LRRTM4: variants seen among roughly 807,000 people sequenced by gnomAD.
The protein encoded by LRRTM4 is leucine-rich repeat transmembrane neuronal protein 4.
A neutral mutation model predicts 47.6 loss-of-function variants in LRRTM4; 25 were observed. That is an observed-to-expected ratio of 0.53 (90% CI 0.38 to 0.73). The LOEUF is 0.73. Among genes scored for constraint, LRRTM4 ranks in the 30% least tolerant of loss-of-function variants. LRRTM4 has a pLI of 0.00. For missense variants in LRRTM4, 638 were observed against 713.4 expected, an observed-to-expected ratio of 0.89 and a Z score of 1.20; for synonymous variants, 311 against 269.5, an observed-to-expected ratio of 1.15 and a Z score of -1.51.
chr2:76,891,217 A>G (rs1673243133), intron 3 of LRRTM4, among the ~76,000 whole-genome samples: 1 of 151,884 alleles, frequency 6.6e-6, no homozygotes, highest in Admixed American at 6.6e-5. Flanking sequence ...ACAAAAAACA[A>G]AACAAAAAAA....
At chr2:76,954,947 C>G (rs910169299) in intron 3 of LRRTM4, among the ~76,000 whole-genome samples, 1 of 151,432 alleles carries the variant, frequency 6.6e-6, no homozygotes, top group African/African-American at 2.4e-5. Context: ...ACAAAAAAAC[C>G]GCCAGCCATA....
chr2:77,054,866 A>T (rs1679551315), intron 3 of LRRTM4, among the ~76,000 whole-genome samples: 1 of 152,218 alleles, frequency 6.6e-6, no homozygotes, highest in Admixed American at 6.5e-5. Flanking sequence ...AGTGGCTGGA[A>T]ATATTCATTT....
intron 3 of LRRTM4, among the ~76,000 whole-genome samples, chr2:77,469,944 CT>C (rs1677123565): frequency 6.6e-6 from 1 of 151,932 alleles, no homozygotes; most frequent in African/African-American, 2.4e-5. Flanking sequence ...TAAACAAAGA[CT>C]TTTTATTTAT....
At chr2:77,030,903 T>C (rs938991729) in intron 3 of LRRTM4, among the ~76,000 whole-genome samples, 6 of 152,200 alleles carry the variant, frequency 3.9e-5, no homozygotes, top group Non-Finnish European at 8.8e-5. Context: ...GCTCAAACAC[T>C]CTTCAGGTTC....
At chr2:77,021,713 C>T (rs1012122587) in intron 3 of LRRTM4, among the ~76,000 whole-genome samples, 1 of 152,054 alleles carries the variant, frequency 6.6e-6, no homozygotes, top group Non-Finnish European at 1.5e-5. Context: ...AGTTTCAATC[C>T]ATAACATCAA....
chr2:77,271,406 C>A (rs529566811), intron 3 of LRRTM4, among the ~76,000 whole-genome samples: 2 of 152,268 alleles, frequency 1.3e-5, no homozygotes, highest in African/African-American at 4.8e-5. Flanking sequence ...TGCTTGCTTG[C>A]GCCTGGTCTG....
intron 3 of LRRTM4, among the ~76,000 whole-genome samples, chr2:76,812,639 A>G (rs1183508235): frequency 6.7e-6 from 1 of 148,502 alleles, no homozygotes; most frequent in Non-Finnish European, 1.5e-5. Flanking sequence ...TCCAGCCCCA[A>G]CACTTTCCTA....
At chr2:77,320,286 G>T (rs1208127629) in intron 3 of LRRTM4, among the ~76,000 whole-genome samples, 1 of 152,164 alleles carries the variant, frequency 6.6e-6, no homozygotes, top group Non-Finnish European at 1.5e-5. Context: ...AATAAAAGTA[G>T]TCTCATATTA....
At chr2:76,910,685 A>G (rs1674022332) in intron 3 of LRRTM4, among the ~76,000 whole-genome samples, 1 of 152,222 alleles carries the variant, frequency 6.6e-6, no homozygotes, top group Non-Finnish European at 1.5e-5. Flanking sequence ...TTATTACAAT[A>G]AAATAGTCAC....
At position 77,517,809 on chromosome 2, in the gene LRRTM4, C is replaced by T. The variant is rs140302440; in HGVS notation, c.1551+509G>A. ...GGCAAGTAACATGGGTGTGAGATCC[C>T]TGTTGCATGCTTTCATTAAAACTAA... On this transcript the variant is annotated intron_variant, in intron 3 of 3. Transcript: ENST00000409884. The T allele has an allele frequency of 1.9e-3, 1,854 of 985,252 alleles. 28 individuals carry two copies. In the African/African-American group the frequency reaches 0.03, roughly 16 times the overall value. 61.0% of individuals were successfully genotyped at this position (985,252 alleles called of 1,614,324 possible). A position where few individuals can be genotyped will look rare whatever the true frequency, so the allele number is the denominator to read the frequency against.
chr2:76,861,636 T>C (rs1163015695), intron 3 of LRRTM4, among the ~76,000 whole-genome samples: 2 of 152,200 alleles, frequency 1.3e-5, no homozygotes, highest in Admixed American at 6.6e-5. Context: ...GCCAAGCTGA[T>C]AGAATACTCA....
intron 3 of LRRTM4, among the ~76,000 whole-genome samples, chr2:76,929,547 C>G (rs1054459621): frequency 1.1e-4 from 17 of 152,116 alleles, no homozygotes; most frequent in Admixed American, 1.1e-3. Flanking sequence ...CTTCGGTTTT[C>G]TTCTGAAACT....
intron 3 of LRRTM4, among the ~76,000 whole-genome samples, chr2:77,083,272 G>T (rs1237242855): frequency 6.6e-6 from 1 of 152,140 alleles, no homozygotes. Flanking sequence ...ATGGTGCAAA[G>T]GATCTCAGTA....
intron 3 of LRRTM4, among the ~76,000 whole-genome samples, chr2:77,082,101 A>T (rs534937464): frequency 2.6e-5 from 4 of 152,270 alleles, no homozygotes; most frequent in Non-Finnish European, 5.9e-5. Context: ...TCAAGAAAAC[A>T]AGTAGATCCA....
At position 77,292,089 on chromosome 2, in the gene LRRTM4, T is replaced by G. The variant is rs1676839968; in HGVS notation, c.1551+226229A>C. ...ACATTTATGCAGCCAAAAAAACACA[T>G]GAAAAAATGCTCACCATCACTGGCT... On this transcript the variant is annotated intron_variant, in intron 3 of 3. Coordinates refer to ENST00000409884, the MANE Select transcript of LRRTM4 (RefSeq NM_001134745.3). Among the ~76,000 whole-genome samples, 3 of 151,746 alleles carry G rather than the reference T, an allele frequency of 2.0e-5. No individual in the cohort carries two copies. The South Asian group carries it at 6.2e-4, about 32-fold the overall frequency.
intron 3 of LRRTM4, among the ~76,000 whole-genome samples, chr2:76,966,954 C>T (rs900613466): frequency 6.6e-6 from 1 of 151,320 alleles, no homozygotes; most frequent in Non-Finnish European, 1.5e-5. Flanking sequence ...TTTTTATTCT[C>T]GCATATTTTC....
chr2:77,438,438 GCT>G (rs1319004483), intron 3 of LRRTM4, among the ~76,000 whole-genome samples: 3 of 122,082 alleles, frequency 2.5e-5, no homozygotes, highest in African/African-American at 1.0e-4. Flanking sequence ...ATGGAGTCTC[GCT>G]CTGTCGCCCA....
intron 3 of LRRTM4, among the ~76,000 whole-genome samples, chr2:77,008,494 G>C (rs572677685): frequency 6.6e-6 from 1 of 152,274 alleles, no homozygotes; most frequent in African/African-American, 2.4e-5. Context: ...ATATGATATT[G>C]ATCAAGCTTT....
chr2:76,943,581 T>C (rs1675225009), intron 3 of LRRTM4, among the ~76,000 whole-genome samples: 2 of 152,220 alleles, frequency 1.3e-5, no homozygotes, highest in African/African-American at 4.8e-5. Flanking sequence ...CTCATTACAA[T>C]TTTTTCCTCT....
Sources: allele counts gnomAD v4.1 joint callset (sites outside exome capture counted in the v4.1 genomes callset), GRCh38; gene constraint gnomAD v4.1.1; transcripts MANE v1.5; gene names NCBI Gene and HGNC (gene_info 2026-07-23, HGNC 2026-07-21).